The following ZEB1 variants were observed in gnomAD, a reference collection of about 807,000 sequenced individuals.
ZEB1 encodes the protein zinc finger E-box binding homeobox 1.
Under a neutral mutation model 84.9 loss-of-function variants are expected in ZEB1, and 21 were observed. That is an observed-to-expected ratio of 0.25 (90% CI 0.18 to 0.36). The LOEUF (loss-of-function observed/expected upper bound fraction) is 0.36. ZEB1 is among the 10% of genes least tolerant of loss of function. The probability of loss-of-function intolerance (pLI) is 1.00; values close to 1 mark genes in which losing one functional copy is unlikely to be tolerated. For synonymous variants in ZEB1, 420 were observed against 471.1 expected (o/e 0.89, Z 1.41); for missense variants, 1,104 against 1,330.2 (o/e 0.83, Z 2.65).
At chr10:31,477,595 C>G (rs1182053408) in intron 2 of ZEB1, among the ~76,000 whole-genome samples, 1 of 152,008 alleles carries the variant, frequency 6.6e-6, no homozygotes, top group Admixed American at 6.6e-5. Context: ...ATCAGATTAC[C>G]TAACTTCAGA....
rs115619782 is a variant in ZEB1, at chr10:31,376,887, G to A, written c.58+57595G>A. 9.4e-3 allele frequency among the ~76,000 whole-genome samples: 1,430 copies of A among 151,464 alleles called. 24 individuals are homozygous for A. Among genetic ancestry groups the A allele is most frequent in the African/African-American group, 0.033 (1,366 of 41,420 alleles). ...GCTTCATTCATAAAGTTGTGCCAACGGAAATAATTGCAGATGATGCTTAAA... is the reference window on the plus strand; with the variant it reads ...GCTTCATTCATAAAGTTGTGCCAACAGAAATAATTGCAGATGATGCTTAAA... On this transcript the variant is annotated intron_variant, in intron 1 of 8. Transcript: ENST00000424869.
intron 1 of ZEB1, among the ~76,000 whole-genome samples, chr10:31,331,077 C>CTTTTTTTTTT (rs1238584690): frequency 6.7e-5 from 6 of 89,064 alleles, no homozygotes; most frequent in African/African-American, 3.2e-4. Context: ...TTTTTTCTTT[C>CTTTTTTTTTT]TTTCTTTTTT....
In ZEB1 at chr10:31,331,081, C is replaced by CTTTTTTTTTTTTTTTTTTTTTTTTTTTTT. The variant is rs548615284; in HGVS notation, c.58+11815_58+11816insTTTTTTTTTTTTTTTTTTTTTTTTTTTTT. Among the ~76,000 whole-genome samples the CTTTTTTTTTTTTTTTTTTTTTTTTTTTTT allele has an allele frequency of 3.2e-4, 25 of 77,850 alleles. 2 individuals carry two copies. The highest frequency in any genetic ancestry group is 6.8e-4 in the African/African-American group (12 of 17,530). The allele number at this position is 77,850 out of a possible 152,430, so 51.1% of individuals were successfully genotyped here. On this transcript the variant is annotated intron_variant, in intron 1 of 8. Transcript: ENST00000424869. ...ATTTTCTTTTCTTTTTTCTTTCTTT[C>CTTTTTTTTTTTTTTTTTTTTTTTTTTTTT]TTTTTTTTTTTTTTTTTTTTTTTTT...
At chr10:31,506,759 A>G (rs1369661541) in intron 4 of ZEB1, among the ~76,000 whole-genome samples, 1 of 151,948 alleles carries the variant, frequency 6.6e-6, no homozygotes, top group Non-Finnish European at 1.5e-5. Flanking sequence ...CGTTTATGTT[A>G]TTATTATTGA....
intron 6 of ZEB1, among the ~76,000 whole-genome samples, chr10:31,519,092 C>G (rs1315214118): frequency 6.6e-6 from 1 of 152,132 alleles, no homozygotes; most frequent in Non-Finnish European, 1.5e-5. Flanking sequence ...GCCATTCACT[C>G]ATCCAAAAAA....
chr10:31,464,850 A>T (rs1209192619), intron 2 of ZEB1, among the ~76,000 whole-genome samples: 5 of 152,208 alleles, frequency 3.3e-5, no homozygotes, highest in African/African-American at 1.2e-4. Flanking sequence ...TCACTGTTAA[A>T]CCTGCTTCGT....
intron 1 of ZEB1, chr10:31,358,468 A>G (rs1398600939): frequency 6.6e-6 from 1 of 152,106 alleles, no homozygotes; most frequent in Non-Finnish European, 1.5e-5. Context: ...TTTAATAGAC[A>G]CCTGTCTGTA....
chr10:31,445,709 G>T (rs1356815272), intron 1 of ZEB1, among the ~76,000 whole-genome samples: 9 of 135,096 alleles, frequency 6.7e-5, no homozygotes, highest in African/African-American at 2.5e-4. Flanking sequence ...TTTATATGCT[G>T]GATTACATTT....
intron 1 of ZEB1, chr10:31,373,312 CTT>C: frequency 1.2e-6 from 1 of 804,748 alleles, no homozygotes; most frequent in Non-Finnish European, 1.5e-6. Context: ...ATGTCTGTCA[CTT>C]ATATTTTAAT....
intron 1 of ZEB1, among the ~76,000 whole-genome samples, chr10:31,359,816 G>A (rs776982842): frequency 6.6e-6 from 1 of 152,126 alleles, no homozygotes; most frequent in South Asian, 2.1e-4. Context: ...TGCTAGAATA[G>A]TTAATCTCAA....
At position 31,521,659 on chromosome 10, in the gene ZEB1, A is replaced by C; in HGVS notation, c.2327A>C (p.Lys776Thr). 1 of 1,614,132 alleles carries C rather than the reference A, an allele frequency of 6.2e-7. No homozygotes were observed. The highest frequency in any genetic ancestry group is 8.5e-7 in the Non-Finnish European group (1 of 1,180,006). The change falls in exon 7 of 9, where the codon AAG (lysine) becomes ACG (threonine). Residue 776 changes from lysine (K) to threonine (T), a missense_variant. Transcript: ENST00000424869. ...CCCTTGAACTTGTCTTGCGCAAAAA[A>C]GGAGCCACAAAAGGACAGTTGTGTT... ...EEPLNLSCAK[K>T]EPQKDSCVTD...
chr10:31,383,221 A>G (rs1483359438), intron 1 of ZEB1, among the ~76,000 whole-genome samples: 1 of 152,188 alleles, frequency 6.6e-6, no homozygotes, highest in Admixed American at 6.5e-5. Context: ...GGTGATAGAA[A>G]TATTCTGTGA....
intron 4 of ZEB1, among the ~76,000 whole-genome samples, chr10:31,509,196 G>A (rs1332461142): frequency 6.6e-6 from 1 of 152,140 alleles, no homozygotes; most frequent in Non-Finnish European, 1.5e-5. Context: ...CTCAGGGGGT[G>A]TACAGATTCA....
intron 1 of ZEB1, among the ~76,000 whole-genome samples, chr10:31,402,377 A>T (rs1430237855): frequency 2.6e-5 from 4 of 151,998 alleles, no homozygotes; most frequent in Non-Finnish European, 4.4e-5. Context: ...TAGCGATCCT[A>T]GAAAAAAAAA....
At chr10:31,498,082 A>G (rs576754677) in intron 3 of ZEB1, among the ~76,000 whole-genome samples, 2 of 152,164 alleles carry the variant, frequency 1.3e-5, no homozygotes, top group South Asian at 4.1e-4. Context: ...TTTAAAGAAA[A>G]CCCAATTACC....
At chr10:31,454,932 CA>C (rs1184822332) in intron 1 of ZEB1, among the ~76,000 whole-genome samples, 2 of 152,008 alleles carry the variant, frequency 1.3e-5, no homozygotes, top group Non-Finnish European at 2.9e-5. Flanking sequence ...CATGTGGAAC[CA>C]AAAAAGAGCC....
chr10:31,399,576 C>T (rs919754422), intron 1 of ZEB1, among the ~76,000 whole-genome samples: 4 of 152,200 alleles, frequency 2.6e-5, no homozygotes, highest in Admixed American at 6.5e-5. Flanking sequence ...TCACCTTCAT[C>T]TCTTACCTGT....
intron 1 of ZEB1, among the ~76,000 whole-genome samples, chr10:31,439,841 GTGA>G (rs2058712415): frequency 1.3e-5 from 2 of 152,298 alleles, no homozygotes; most frequent in South Asian, 4.1e-4. Context: ...AGAGAGACAG[GTGA>G]GGAGAGTCAG....
rs146600439 is a variant in ZEB1, at chr10:31,403,978, A to G, written c.59-57059A>G. 4.8e-3 allele frequency among the ~76,000 whole-genome samples: 730 copies of G among 152,228 alleles called. 15 individuals carry two copies. Among genetic ancestry groups the G allele is most frequent in the Middle Eastern group, 0.024 (7 of 294 alleles). On this transcript the variant is annotated intron_variant, in intron 1 of 8. Coordinates refer to ENST00000424869, the MANE Select transcript of ZEB1 (RefSeq NM_001174096.2). Reference sequence around the variant, plus strand: ...GTAGATTGCTGCTGGAAATTCACATAGTCTTTAAGGAATAAACTATGTACG... The same window carrying G: ...GTAGATTGCTGCTGGAAATTCACATGGTCTTTAAGGAATAAACTATGTACG...
Sources: gnomAD v4.1 joint callset for allele counts (sites outside exome capture counted in the v4.1 genomes callset) on GRCh38, gnomAD v4.1.1 for gene constraint, MANE v1.5 for transcripts, NCBI Gene and HGNC (gene_info 2026-07-23, HGNC 2026-07-21) for gene names.